NTN4: variants seen among roughly 807,000 people sequenced by gnomAD.
The protein encoded by NTN4 is netrin-4.
A neutral mutation model predicts 73.6 loss-of-function variants in NTN4; 32 were observed. The observed-to-expected ratio is 0.44, with a 90% CI of 0.33 to 0.58. NTN4 has a LOEUF of 0.58. Among genes scored for constraint, NTN4 ranks in the 20% least tolerant of loss-of-function variants. The pLI is 0.04. For missense variants in NTN4, 654 were observed against 798.3 expected, an observed-to-expected ratio of 0.82 and a Z score of 2.18; for synonymous variants, 258 against 287.5, an observed-to-expected ratio of 0.90 and a Z score of 1.04.
At position 95,659,148 on chromosome 12, in the gene NTN4, G is replaced by A; in HGVS notation, c.1825C>T (p.Gln609Ter). The A allele has an allele frequency of 1.9e-6, 3 of 1,613,434 alleles. No homozygotes were observed. The highest frequency in any genetic ancestry group is 2.5e-6 in the Non-Finnish European group (3 of 1,179,662). The change falls in exon 10 of 10, where the codon CAG becomes TAG. Residue 609 changes from glutamine (Q) to a stop codon, truncating the protein, a stop_gained. Transcript: ENST00000343702. LOFTEE classifies it high-confidence loss of function. Reference sequence around the variant, plus strand: ...CTTCCAAGAGAAGGTTTCCAGTGCTGGACAAAGCTTTTCATATTCACAATT... The same window carrying A: ...CTTCCAAGAGAAGGTTTCCAGTGCTAGACAAAGCTTTTCATATTCACAATT... The part of the protein sequence containing the change: ...KLIVNMKSFV[Q>*]HWKPSLGRKV...
intron 2 of NTN4, among the ~76,000 whole-genome samples, chr12:95,783,112 A>G (rs1049654125): frequency 2.6e-5 from 4 of 152,198 alleles, no homozygotes; most frequent in African/African-American, 9.7e-5. Flanking sequence ...CAATGGACAG[A>G]GTCCTGATAT....
intron 3 of NTN4, among the ~76,000 whole-genome samples, chr12:95,715,137 G>A (rs977731079): frequency 6.6e-6 from 1 of 152,136 alleles, no homozygotes; most frequent in Non-Finnish European, 1.5e-5. Flanking sequence ...TAATGTCCAA[G>A]TTCAGGAGTT....
chr12:95,760,068 C>T (rs7134025), intron 2 of NTN4, among the ~76,000 whole-genome samples: 121,937 of 152,104 alleles, frequency 0.8, 49,259 homozygotes, highest in South Asian at 0.9. Flanking sequence ...TATATTTCTC[C>T]AAAAAGGGTT....
chr12:95,785,323 T>C (rs1212746133), intron 2 of NTN4, among the ~76,000 whole-genome samples: 1 of 152,220 alleles, frequency 6.6e-6, no homozygotes, highest in East Asian at 1.9e-4. Context: ...GTTCAAGCCA[T>C]TCATTTGTTT....
chr12:95,751,345 T>C (rs2078905681), intron 2 of NTN4, among the ~76,000 whole-genome samples: 1 of 152,144 alleles, frequency 6.6e-6, no homozygotes, highest in Non-Finnish European at 1.5e-5. Flanking sequence ...TTGCCTCCAC[T>C]GTGAGACAAA....
intron 8 of NTN4, among the ~76,000 whole-genome samples, chr12:95,669,352 T>C (rs540992252): frequency 5.3e-5 from 8 of 152,266 alleles, no homozygotes; most frequent in Non-Finnish European, 8.8e-5. Flanking sequence ...TTGTACAGGA[T>C]GTATTTTCCT....
At chr12:95,743,522 C>T (rs910866800) in intron 2 of NTN4, among the ~76,000 whole-genome samples, 22 of 152,214 alleles carry the variant, frequency 1.4e-4, no homozygotes, top group African/African-American at 4.8e-4. Context: ...TGCATCCCCC[C>T]GAAGTTTGAT....
chr12:95,745,498 C>T (rs1555219658), intron 2 of NTN4, among the ~76,000 whole-genome samples: 3 of 151,996 alleles, frequency 2.0e-5, no homozygotes, highest in Non-Finnish European at 4.4e-5. Context: ...GGTCATTCAA[C>T]TTTTTTTTGC....
chr12:95,751,727 T>C (rs1468017834), intron 2 of NTN4, among the ~76,000 whole-genome samples: 2 of 151,816 alleles, frequency 1.3e-5, no homozygotes, highest in South Asian at 2.1e-4. Flanking sequence ...CAGTGGAAGG[T>C]AAGGCCGTCC....
chr12:95,675,899 T>A (rs992276574), intron 7 of NTN4, among the ~76,000 whole-genome samples: 1 of 152,108 alleles, frequency 6.6e-6, no homozygotes, highest in South Asian at 2.1e-4. Flanking sequence ...ACCAACCACG[T>A]ACACAAAACT....
At chr12:95,746,393 C>G (rs970156338) in intron 2 of NTN4, among the ~76,000 whole-genome samples, 5 of 152,064 alleles carry the variant, frequency 3.3e-5, no homozygotes, top group East Asian at 1.9e-4. Flanking sequence ...TAGACCCCCC[C>G]CTCCCCTTTC....
intron 2 of NTN4, among the ~76,000 whole-genome samples, chr12:95,741,461 A>ATCTATATC (rs1420597354): frequency 8.3e-6 from 1 of 121,194 alleles, no homozygotes; most frequent in African/African-American, 3.5e-5. Context: ...ATATATATAT[A>ATCTATATC]TATATATATA....
intron 7 of NTN4, 89 bp downstream of exon 7, chr12:95,682,618 G>T: frequency 1.3e-6 from 1 of 787,030 alleles, no homozygotes; most frequent in East Asian, 2.6e-5. Context: ...TCCCCTCATA[G>T]GATCCAAAAG....
chr12:95,729,600 T>G (rs1237709532), intron 3 of NTN4, among the ~76,000 whole-genome samples: 1 of 150,662 alleles, frequency 6.6e-6, no homozygotes, highest in Non-Finnish European at 1.5e-5. Context: ...TTCCATCTTC[T>G]GGAATTATTA....
intron 3 of NTN4, among the ~76,000 whole-genome samples, chr12:95,725,360 C>A (rs1046317520): frequency 3.9e-5 from 6 of 151,950 alleles, no homozygotes; most frequent in Non-Finnish European, 8.8e-5. Flanking sequence ...TTAGTTGGGG[C>A]CAGGTAAATT....
chr12:95,731,606 C>A (rs2078737839), intron 3 of NTN4, among the ~76,000 whole-genome samples: 1 of 152,040 alleles, frequency 6.6e-6, no homozygotes, highest in Non-Finnish European at 1.5e-5. Context: ...TGAGAATTGT[C>A]TTTACTCTCT....
intron 2 of NTN4, among the ~76,000 whole-genome samples, chr12:95,767,532 T>C (rs181397985): frequency 6.6e-6 from 1 of 152,292 alleles, no homozygotes; most frequent in Admixed American, 6.5e-5. Flanking sequence ...GGAGAGAAAG[T>C]AACAAGCTTG....
chr12:95,725,600 G>A (rs1592687445), intron 3 of NTN4, among the ~76,000 whole-genome samples: 2 of 152,144 alleles, frequency 1.3e-5, no homozygotes, highest in Non-Finnish European at 2.9e-5. Context: ...TTCTATACAG[G>A]GCACAGGGTA....
chr12:95,698,731 C>G (rs929953914), intron 5 of NTN4, among the ~76,000 whole-genome samples: 7 of 152,064 alleles, frequency 4.6e-5, no homozygotes, highest in Admixed American at 4.6e-4. Context: ...ATGGCACATG[C>G]CTGTAGTCCC....
Sources: allele counts gnomAD v4.1 joint callset (sites outside exome capture counted in the v4.1 genomes callset), GRCh38; gene constraint gnomAD v4.1.1; transcripts MANE v1.5; gene names NCBI Gene and HGNC (gene_info 2026-07-23, HGNC 2026-07-21).